C1orf232: variants seen among roughly 807,000 people sequenced by gnomAD.
C1orf232 encodes chromosome 1 open reading frame 230.
In C1orf232, 10 loss-of-function variants were observed where a neutral mutation model predicts 12.1. The observed-to-expected ratio is 0.82, with a 90% CI of 0.51 to 1.40. The LOEUF (loss-of-function observed/expected upper bound fraction) is 1.40. Ranked by LOEUF, C1orf232 falls within the 40% of genes most tolerant of loss-of-function variation. The pLI, the probability that C1orf232 is intolerant of heterozygous loss-of-function variation, is 0.00. For synonymous variants in C1orf232, 36 were observed against 39.8 expected, an observed-to-expected ratio of 0.90 and a Z score of 0.36; for missense variants, 88 against 98.4, an observed-to-expected ratio of 0.89 and a Z score of 0.45.
chr1:26,167,555 C>G (rs1195333903), intron 1 of C1orf232, among the ~76,000 whole-genome samples: 1 of 152,156 alleles, frequency 6.6e-6, no homozygotes, highest in East Asian at 1.9e-4. Context: ...GAACTCCTAA[C>G]CTCAGGTGAT....
chr1:26,165,479 A>G (rs1210916381), intron 3 of C1orf232, among the ~76,000 whole-genome samples: 1 of 152,146 alleles, frequency 6.6e-6, no homozygotes, highest in Non-Finnish European at 1.5e-5. Context: ...GGGTTTAGGC[A>G]ATATTTGAGA....
chr1:26,165,619 C>T, intron 3 of C1orf232: 2 of 908,318 alleles, frequency 2.2e-6, no homozygotes, highest in Non-Finnish European at 2.9e-6. Flanking sequence ...TCAATCCCAA[C>T]AGCTGGTCGA....
At position 26,166,025 on chromosome 1, in the gene C1orf232, G is replaced by C; in HGVS notation, c.168+10C>G. On this transcript the variant is annotated intron_variant, in intron 2 of 3. Transcript: ENST00000634842. ...CCCAGGGTTGGGGTGGAAGAAGGGA[G>C]AATACTCACCCGGCGGGCCAGCTGT... 1 of 1,231,698 alleles carries C rather than the reference G, an allele frequency of 8.1e-7. No individual in the cohort carries two copies. Among genetic ancestry groups the C allele is most frequent in the Non-Finnish European group, 1.0e-6 (1 of 987,992 alleles). The allele number at this position is 1,231,698 out of a possible 1,614,324, so 76.3% of individuals were successfully genotyped here. A position where few individuals can be genotyped will look rare whatever the true frequency, so the allele number is the denominator to read the frequency against.
In C1orf232 at chr1:26,165,580, G is replaced by T. The variant is rs942692031; in HGVS notation, c.266+246C>A. 1.6e-5 allele frequency: 9 copies of T among 554,322 alleles called. No homozygotes were observed. The South Asian group carries it at 3.0e-4, about 18-fold the overall frequency. The allele number at this position is 554,322 out of a possible 1,614,324, so 34.3% of individuals were successfully genotyped here. A position where few individuals can be genotyped will look rare whatever the true frequency, so the allele number is the denominator to read the frequency against. ...ATGGCCCCTCCCAAGCGGATGGGTCGTGAGAGCCCATAAATACCTTCTAGC... is the reference window on the plus strand; with the variant it reads ...ATGGCCCCTCCCAAGCGGATGGGTCTTGAGAGCCCATAAATACCTTCTAGC... On this transcript the variant is annotated intron_variant, in intron 3 of 3. Coordinates refer to ENST00000634842, the MANE Select transcript of C1orf232 (RefSeq NM_001364669.2).
rs886070356 is a variant in C1orf232, at chr1:26,164,961, A to G, written c.267-506T>C. On this transcript the variant is annotated intron_variant, in intron 3 of 3. Transcript: ENST00000634842. The surrounding 1 kb of genome is among the most constrained non-coding windows in gnomAD (Gnocchi z 4.2). ...GACTAGGAGCACGGGAGAAAGGTGG[A>G]GCGACAGGAAGGCCTAGGTCAGAGG... Among the ~76,000 whole-genome samples, 5 of 151,902 alleles carry G rather than the reference A, an allele frequency of 3.3e-5. No individual in the cohort carries two copies. The highest frequency in any genetic ancestry group is 6.6e-5 in the Admixed American group (1 of 15,238).
In C1orf232 at chr1:26,166,037, G is replaced by T. The variant is rs924076198; in HGVS notation, c.166C>A (p.Arg56=). 1.3e-5 allele frequency: 16 copies of T among 1,231,694 alleles called. No individual in the cohort carries two copies. In the South Asian group the frequency reaches 6.6e-4, roughly 51 times the overall value. 76.3% of individuals were successfully genotyped at this position (1,231,694 alleles called of 1,614,324 possible). A position where few individuals can be genotyped will look rare whatever the true frequency, so the allele number is the denominator to read the frequency against. ...TFNPMSQLAR[R]VQGVGVKGWL... ...GTGGAAGAAGGGAGAATACTCACCCGGCGGGCCAGCTGTGACATGGGATTG... is the reference window on the plus strand; with the variant it reads ...GTGGAAGAAGGGAGAATACTCACCCTGCGGGCCAGCTGTGACATGGGATTG... Residue 56 remains arginine, a splice_region_variant and synonymous_variant, in exon 2 of 4, where the codon CGG becomes AGG. Coordinates refer to ENST00000634842, the MANE Select transcript of C1orf232 (RefSeq NM_001364669.2).
chr1:26,167,233 A>T (rs1427868929), intron 1 of C1orf232, among the ~76,000 whole-genome samples: 1 of 152,212 alleles, frequency 6.6e-6, no homozygotes, highest in East Asian at 1.9e-4. Flanking sequence ...TTGTTTTGAG[A>T]CAAAGTCTCA....
chr1:26,168,484 AG>A lies in C1orf232; in HGVS notation c.15del (p.Trp6GlyfsTer12). 8.1e-7 allele frequency: 1 copy of A among 1,231,928 alleles called. No individual in the cohort carries two copies. Among genetic ancestry groups the A allele is most frequent in the Non-Finnish European group, 1.0e-6 (1 of 988,112 alleles). 76.3% of individuals were successfully genotyped at this position (1,231,928 alleles called of 1,614,324 possible). A position where few individuals can be genotyped will look rare whatever the true frequency, so the allele number is the denominator to read the frequency against. MNQA[F>X]WKTYKSKVLQ... ...AGCACTTTGGACTTGTAGGTTTTCCAGAAGGCCTGGTTCATGGCTGCAGGGG... is the reference window on the plus strand; with the variant it reads ...AGCACTTTGGACTTGTAGGTTTTCCAAAGGCCTGGTTCATGGCTGCAGGGG... On this transcript the variant is annotated frameshift_variant, in exon 1 of 4. Coordinates refer to ENST00000634842, the MANE Select transcript of C1orf232 (RefSeq NM_001364669.2). LOFTEE classifies it high-confidence loss of function.
At position 26,168,595 on chromosome 1, in the gene C1orf232, A is replaced by G; in HGVS notation, c.-96T>C. 4 of 764,452 alleles carry G rather than the reference A, an allele frequency of 5.2e-6. No homozygotes were observed. The South Asian group carries it at 2.7e-4, about 52-fold the overall frequency. 47.4% of individuals were successfully genotyped at this position (764,452 alleles called of 1,614,324 possible). A position where few individuals can be genotyped will look rare whatever the true frequency, so the allele number is the denominator to read the frequency against. The stretch of plus-strand genomic sequence containing the variant: ...GCTCTAGGAACTTGGTGAGGCCAAG[A>G]GCCTGTCCGAGGGATCCAGTGACTT... On this transcript the variant is annotated 5_prime_UTR_variant, in exon 1 of 4. Transcript: ENST00000634842.
chr1:26,164,937 A>T lies in C1orf232; in HGVS notation c.267-482T>A, dbSNP rs2088409488. Among the ~76,000 whole-genome samples, 1 of 151,658 alleles carries T rather than the reference A, an allele frequency of 6.6e-6. No individual in the cohort carries two copies. Among genetic ancestry groups the T allele is most frequent in the African/African-American group, 2.4e-5 (1 of 41,242 alleles). ...GGTTCTGAGATTGAGGGAAAGGGGG[A>T]CTAGGAGCACGGGAGAAAGGTGGAG... On this transcript the variant is annotated intron_variant, in intron 3 of 3. Transcript: ENST00000634842. This position sits in a 1 kb window ranked among gnomAD's most constrained non-coding sequence, Gnocchi z 4.2.
In C1orf232 at chr1:26,168,716, C is replaced by A. The variant is rs1318969512; in HGVS notation, c.-217G>T. 3 of 390,136 alleles carry A rather than the reference C, an allele frequency of 7.7e-6. No individual in the cohort carries two copies. Among genetic ancestry groups the A allele is most frequent in the Non-Finnish European group, 1.4e-5 (3 of 221,492 alleles). The allele number at this position is 390,136 out of a possible 1,614,324, so 24.2% of individuals were successfully genotyped here. ...GAGTGGGGGATGGAACAAGCTTCTGCCACCTTAGCCCCTTGTCTTGACCCA... is the reference window on the plus strand; with the variant it reads ...GAGTGGGGGATGGAACAAGCTTCTGACACCTTAGCCCCTTGTCTTGACCCA... On this transcript the variant is annotated 5_prime_UTR_variant, in exon 1 of 4. Coordinates refer to ENST00000634842, the MANE Select transcript of C1orf232 (RefSeq NM_001364669.2).
intron 3 of C1orf232, chr1:26,165,589 C>A (rs1377777665): frequency 1.6e-6 from 1 of 618,012 alleles, no homozygotes; most frequent in Non-Finnish European, 2.3e-6. Context: ...CGTGAGAGCC[C>A]ATAAATACCT....
chr1:26,166,370 G>T (rs1249776487), intron 1 of C1orf232, among the ~76,000 whole-genome samples: 2 of 151,996 alleles, frequency 1.3e-5, no homozygotes, highest in Non-Finnish European at 1.5e-5. Context: ...TTGCCGTGGG[G>T]TGCAGTGGTG....
At chr1:26,165,954 G>T in intron 2 of C1orf232, 31 bp from the exon 3 acceptor site, 3 of 1,231,636 alleles carry the variant, frequency 2.4e-6, no homozygotes, top group Non-Finnish European at 3.0e-6. Context: ...CAGGGAGGGG[G>T]TCCAGCACAA....
chr1:26,164,308 C>G lies in C1orf232; in HGVS notation c.414G>C (p.Pro138=), dbSNP rs144855726. The G allele has an allele frequency of 0.01, 4,139 of 397,792 alleles. 102 individuals carry two copies. Among genetic ancestry groups the G allele is most frequent in the African/African-American group, 0.048 (2,353 of 48,694 alleles). The allele number at this position is 397,792 out of a possible 1,614,324, so 24.6% of individuals were successfully genotyped here. ...MLRGTEPTPE[P]DPEPADEAAE... ...CGGCCTCGTCCGCGGGTTCGGGGTC[C>G]GGCTCCGGAGTGGGCTCGGTGCCGC... The change falls in exon 4 of 4, where the codon CCG becomes CCC. Residue 138 remains proline, a synonymous_variant. Transcript: ENST00000634842. This position sits in a 1 kb window ranked among gnomAD's most constrained non-coding sequence, Gnocchi z 4.2.
intron 1 of C1orf232, among the ~76,000 whole-genome samples, chr1:26,166,694 G>A (rs556977985): frequency 8.1e-4 from 123 of 152,246 alleles, no homozygotes; most frequent in Non-Finnish European, 1.6e-3. Flanking sequence ...ACATGGGCAT[G>A]CACTCTGATG....
At position 26,164,307 on chromosome 1, in the gene C1orf232, C is replaced by T. The variant is rs1374962117; in HGVS notation, c.415G>A (p.Asp139Asn). 7.5e-6 allele frequency: 3 copies of T among 397,838 alleles called. No homozygotes were observed. The highest frequency in any genetic ancestry group is 4.4e-6 in the Non-Finnish European group (1 of 225,520). The allele number at this position is 397,838 out of a possible 1,614,324, so 24.6% of individuals were successfully genotyped here. A position where few individuals can be genotyped will look rare whatever the true frequency, so the allele number is the denominator to read the frequency against. The stretch of plus-strand genomic sequence containing the variant: ...GCGGCCTCGTCCGCGGGTTCGGGGT[C>T]CGGCTCCGGAGTGGGCTCGGTGCCG... Reference protein sequence around the residue: ...LRGTEPTPEPDPEPADEAAEE... With the variant: ...LRGTEPTPEPNPEPADEAAEE... The change falls in exon 4 of 4, where the codon GAC becomes AAC. Residue 139 changes from aspartate to asparagine, a missense_variant. Coordinates refer to ENST00000634842, the MANE Select transcript of C1orf232 (RefSeq NM_001364669.2). The surrounding 1 kb of genome is among the most constrained non-coding windows in gnomAD (Gnocchi z 4.2).
At chr1:26,168,032 T>G (rs558871325) in intron 1 of C1orf232, among the ~76,000 whole-genome samples, 1 of 152,184 alleles carries the variant, frequency 6.6e-6, no homozygotes, top group Admixed American at 6.5e-5. Flanking sequence ...ACCTTTCTAG[T>G]ACAGGCGCCA....
At chr1:26,166,013 T>A in intron 2 of C1orf232, 22 bp downstream of exon 2, 1 of 1,231,282 alleles carries the variant, frequency 8.1e-7, no homozygotes, top group Non-Finnish European at 1.0e-6. Context: ...AGGGTTGGGG[T>A]GGAAGAAGGG....
Sources: gnomAD v4.1 joint callset for allele counts (sites outside exome capture counted in the v4.1 genomes callset) on GRCh38, gnomAD v4.1.1 for gene constraint, Gnocchi (gnomAD v3.1) non-coding constraint, MANE v1.5 for transcripts, NCBI Gene and HGNC (gene_info 2026-07-23, HGNC 2026-07-21) for gene names.